The following TENM2 variants were observed in gnomAD, a reference collection of about 807,000 sequenced individuals.
TENM2 encodes teneurin-2.
A neutral mutation model predicts 245.2 loss-of-function variants in TENM2; 52 were observed. That is an observed-to-expected ratio of 0.21 (90% confidence interval 0.17 to 0.27). The LOEUF (loss-of-function observed/expected upper bound fraction) is 0.27. Among genes scored for constraint, TENM2 ranks in the 10% least tolerant of loss-of-function variants. The pLI is 1.00. For synonymous variants in TENM2, 1,363 were observed against 1,438.9 expected (o/e 0.95, Z 1.19); for missense variants, 3,046 against 3,666.8 (o/e 0.83, Z 4.37).
chr5:167,764,931 A>G (rs1582948563), intron 2 of TENM2, among the ~76,000 whole-genome samples: 1 of 152,118 alleles, frequency 6.6e-6, no homozygotes, highest in Admixed American at 6.5e-5. Flanking sequence ...CATTTTAGAG[A>G]AGGATTCATC....
Position 168,051,000 on chromosome 5 carries a change from G to A in TENM2, c.1309+3451G>A, listed in dbSNP as rs570622721. 8.5e-4 allele frequency among the ~76,000 whole-genome samples: 130 copies of A among 152,318 alleles called. 4 individuals carry two copies. The Middle Eastern group carries it at 0.017, about 20-fold the overall frequency. On this transcript the variant is annotated intron_variant, in intron 6 of 28. Transcript: ENST00000518659. ...CATACATCTTCATTACAAGGGCATGGAGAACTTTCTCTGTAGATCTGGGAT... is the reference window on the plus strand; with the variant it reads ...CATACATCTTCATTACAAGGGCATGAAGAACTTTCTCTGTAGATCTGGGAT...
At chr5:167,942,753 T>G (rs995341251) in intron 3 of TENM2, among the ~76,000 whole-genome samples, 10 of 152,200 alleles carry the variant, frequency 6.6e-5, no homozygotes, top group African/African-American at 2.4e-4. Context: ...TCTTGAGCAC[T>G]GTGAGAGGTC....
the TENM2 span, among the ~76,000 whole-genome samples, chr5:167,213,812 C>T: frequency 6.6e-6 from 1 of 152,212 alleles, no homozygotes; most frequent in East Asian, 1.9e-4. Flanking sequence ...GGAAAATTTA[C>T]CTTTAATTGC....
Position 168,218,254 on chromosome 5 carries a change from C to A in TENM2, c.4363C>A (p.His1455Asn). The change falls in exon 23 of 29, where the codon CAC becomes AAC. Residue 1455 changes from histidine (H) to asparagine (N), a missense_variant. His to Asn is a moderately conservative substitution (Grantham distance 68). Transcript: ENST00000518659. The surrounding 1 kb of genome is among the most constrained non-coding windows in gnomAD (Gnocchi z 5.2). ...CAGCATCATTGCGGGACGCCCCATG[C>A]ACTGCCAAGTTCCTGGCATTGACTA... 1 of 1,613,840 alleles carries A rather than the reference C, an allele frequency of 6.2e-7. No individual in the cohort carries two copies. The highest frequency in any genetic ancestry group is 8.5e-7 in the Non-Finnish European group (1 of 1,179,886).
intron 2 of TENM2, among the ~76,000 whole-genome samples, chr5:167,595,712 C>A (rs1776158166): frequency 6.6e-6 from 1 of 152,184 alleles, no homozygotes; most frequent in Non-Finnish European, 1.5e-5. Context: ...ACATGACACA[C>A]AAACTAACAG....
At chr5:167,903,352 A>T (rs971936118) in intron 3 of TENM2, among the ~76,000 whole-genome samples, 2 of 152,188 alleles carry the variant, frequency 1.3e-5, no homozygotes, top group African/African-American at 4.8e-5. Context: ...AGTAATAAAA[A>T]TATAATGATT....
chr5:167,140,764 G>A, the TENM2 span, among the ~76,000 whole-genome samples: 409 of 152,234 alleles, frequency 2.7e-3, 3 homozygotes, highest in African/African-American at 9.3e-3. Flanking sequence ...TCAGATTCTG[G>A]TGGCTGATGG....
At chr5:167,217,371 T>G in the TENM2 span, among the ~76,000 whole-genome samples, 218 of 152,218 alleles carry the variant, frequency 1.4e-3, 1 homozygote, top group African/African-American at 4.4e-3. Context: ...ATTTAAAATA[T>G]TATTAAGGGG....
chr5:167,761,591 T>C (rs1406232095), intron 2 of TENM2, among the ~76,000 whole-genome samples: 2 of 152,214 alleles, frequency 1.3e-5, no homozygotes, highest in East Asian at 3.8e-4. Flanking sequence ...GCTTTCTAAC[T>C]GGTCATTGTT....
At chr5:167,187,103 T>C in the TENM2 span, among the ~76,000 whole-genome samples, 5 of 152,200 alleles carry the variant, frequency 3.3e-5, no homozygotes, top group African/African-American at 1.2e-4. Flanking sequence ...GCTACTCTAG[T>C]TTCACTTTGT....
intron 1 of TENM2, among the ~76,000 whole-genome samples, chr5:167,304,375 A>C (rs1755539742): frequency 6.6e-6 from 1 of 152,138 alleles, no homozygotes; most frequent in African/African-American, 2.4e-5. Flanking sequence ...TCCCCAGTAA[A>C]CTACTTGTTC....
At chr5:168,013,878 G>C (rs1427365349) in intron 5 of TENM2, among the ~76,000 whole-genome samples, 2 of 152,200 alleles carry the variant, frequency 1.3e-5, no homozygotes, top group Non-Finnish European at 2.9e-5. Context: ...CTAGGAAAGG[G>C]TCTGTTCTGG....
At chr5:167,924,442 G>A (rs774799862) in intron 3 of TENM2, among the ~76,000 whole-genome samples, 18 of 152,184 alleles carry the variant, frequency 1.2e-4, no homozygotes, top group Non-Finnish European at 2.1e-4. Flanking sequence ...AACTGGCTGC[G>A]TCTGACCTGT....
chr5:167,720,218 A>G (rs1347960216), intron 2 of TENM2, among the ~76,000 whole-genome samples: 1 of 152,234 alleles, frequency 6.6e-6, no homozygotes, highest in Non-Finnish European at 1.5e-5. Context: ...TTTTTGATAG[A>G]ATATTACTAA....
the TENM2 span, among the ~76,000 whole-genome samples, chr5:167,205,412 G>A: frequency 7.9e-5 from 12 of 152,030 alleles, no homozygotes; most frequent in African/African-American, 2.6e-4. Context: ...AATATAAATA[G>A]TGTTTCCTTC....
rs1705002249 is a variant in TENM2 at position 168,218,549 on chromosome 5, C to T, written c.4658C>T (p.Pro1553Leu). 6.2e-7 allele frequency: 1 copy of T among 1,614,002 alleles called. No homozygotes were observed. Among genetic ancestry groups the T allele is most frequent in the Non-Finnish European group, 8.5e-7 (1 of 1,179,912 alleles). ...TCCCCATCATCCTTAGCTGTAGCTCCAGATGGTACCATTTACATTGCAGAC... is the reference window on the plus strand; with the variant it reads ...TCCCCATCATCCTTAGCTGTAGCTCTAGATGGTACCATTTACATTGCAGAC... Residue 1553 changes from proline to leucine, a missense_variant, in exon 23 of 29, where the codon CCA becomes CTA. Transcript: ENST00000518659. This position sits in a 1 kb window ranked among gnomAD's most constrained non-coding sequence, Gnocchi z 5.2.
chr5:167,791,833 C>CCA (rs948257186), intron 2 of TENM2, among the ~76,000 whole-genome samples: 16 of 152,030 alleles, frequency 1.1e-4, no homozygotes, highest in African/African-American at 3.9e-4. Context: ...GACCGCTGGG[C>CCA]CACATCCCCA....
At chr5:167,716,310 G>A (rs568492649) in intron 2 of TENM2, among the ~76,000 whole-genome samples, 52 of 152,254 alleles carry the variant, frequency 3.4e-4, no homozygotes, top group African/African-American at 1.0e-3. Context: ...CTAGTCTGCC[G>A]ACTTCAGCTT....
intron 1 of TENM2, among the ~76,000 whole-genome samples, chr5:167,315,842 A>G (rs1018925604): frequency 1.2e-4 from 18 of 152,152 alleles, no homozygotes; most frequent in African/African-American, 4.3e-4. Flanking sequence ...TGCTGTTTAC[A>G]TTTCCCATCC....
Sources: allele counts gnomAD v4.1 joint callset (sites outside exome capture counted in the v4.1 genomes callset), GRCh38; gene constraint gnomAD v4.1.1; non-coding constraint Gnocchi (gnomAD v3.1); transcripts MANE v1.5; gene names NCBI Gene and HGNC (gene_info 2026-07-23, HGNC 2026-07-21).